Variants in NUP188 observed in about 807,000 individuals in gnomAD.
NUP188 encodes the protein nucleoporin NUP188.
A neutral mutation model predicts 223.0 loss-of-function variants in NUP188; 97 were observed. The observed-to-expected ratio is 0.43, with a 90% CI of 0.37 to 0.51. The LOEUF (loss-of-function observed/expected upper bound fraction) is 0.51. NUP188 is among the 20% of genes least tolerant of loss of function. The pLI is 0.00. For missense variants in NUP188, 1,947 were observed against 2,175.6 expected, an observed-to-expected ratio of 0.89 and a Z score of 2.09; for synonymous variants, 869 against 828.0, an observed-to-expected ratio of 1.05 and a Z score of -0.85.
chr9:128,998,585 G>C lies in NUP188; in HGVS notation c.3477G>C (p.Lys1159Asn). The C allele has an allele frequency of 6.2e-7, 1 of 1,614,200 alleles. No individual in the cohort carries two copies. Among genetic ancestry groups the C allele is most frequent in the Non-Finnish European group, 8.5e-7 (1 of 1,180,034 alleles). Residue 1159 changes from lysine (K) to asparagine (N), a missense_variant, in exon 32 of 44, where the codon AAG becomes AAC. Coordinates refer to ENST00000372577, the MANE Select transcript of NUP188 (RefSeq NM_015354.3). The part of the protein sequence containing the change: ...SVNCLRLGSM[K>N]CTLLLILLRQ... ...ACTGCCTTCGCCTTGGCTCCATGAA[G>C]TGCACTCTGCTGCTTATCCTCCTCC...
chr9:128,949,031 A>G (rs1841737047), intron 1 of NUP188, 158 bp from the exon 2 acceptor site: 2 of 567,382 alleles, frequency 3.5e-6, no homozygotes, highest in Middle Eastern at 3.4e-4. Flanking sequence ...GGCCCTAACA[A>G]TATTATTATA....
rs747254368 is a variant in NUP188 at position 129,006,257 on chromosome 9, C to A, written c.4962C>A (p.Thr1654=). The change falls in exon 43 of 44, where the codon ACC becomes ACA. Residue 1654 remains threonine (T), a synonymous_variant. Coordinates refer to ENST00000372577, the MANE Select transcript of NUP188 (RefSeq NM_015354.3). ...CTCCCAGGTCCCTCCTGATGTTTAC[C>A]ATGGAAAACTGCTTCTACCTGCTCA... The part of the protein sequence containing the change: ...TRTLKSLLMF[T]MENCFYLLIS... 7.4e-6 allele frequency: 12 copies of A among 1,614,060 alleles called. No individual in the cohort carries two copies. The highest frequency in any genetic ancestry group is 6.6e-5 in the South Asian group (6 of 91,070).
chr9:128,956,472 C>A, intron 4 of NUP188, 38 bp downstream of exon 4: 1 of 1,101,804 alleles, frequency 9.1e-7, no homozygotes, highest in Non-Finnish European at 1.3e-6. Context: ...TTATTACTTG[C>A]AGTGTGGATG....
intron 13 of NUP188, among the ~76,000 whole-genome samples, chr9:128,980,308 A>G (rs1239631960): frequency 6.6e-6 from 1 of 152,174 alleles, no homozygotes; most frequent in African/African-American, 2.4e-5. Flanking sequence ...TAGTTGGGTA[A>G]TTTGCACTTT....
chr9:128,993,446 G>C, intron 26 of NUP188, 43 bp downstream of exon 26: 1 of 1,611,500 alleles, frequency 6.2e-7, no homozygotes, highest in Non-Finnish European at 8.5e-7. Flanking sequence ...TGGCTCACTG[G>C]GAGGCAGATG....
chr9:128,991,365 C>T (rs1210323908), intron 25 of NUP188, among the ~76,000 whole-genome samples: 1 of 151,746 alleles, frequency 6.6e-6, no homozygotes, highest in African/African-American at 2.4e-5. Flanking sequence ...TGGTGAAACC[C>T]CACCTCTACT....
At chr9:128,956,713 T>C (rs528664238) in intron 4 of NUP188, among the ~76,000 whole-genome samples, 1 of 152,340 alleles carries the variant, frequency 6.6e-6, no homozygotes, top group South Asian at 2.1e-4. Context: ...GCTGTATTAA[T>C]GTGCTTAGTG....
intron 10 of NUP188, 136 bp downstream of exon 10, chr9:128,969,650 G>A (rs1012779417): frequency 8.0e-5 from 42 of 527,640 alleles, no homozygotes; most frequent in African/African-American, 7.0e-4. Flanking sequence ...CAATGTTTTC[G>A]TTTTGTTTTG....
Position 129,006,100 on chromosome 9 carries a change from G to C in NUP188, c.4920G>C (p.Gln1640His). The change falls in exon 42 of 44, where the codon CAG (glutamine) becomes CAC (histidine). Residue 1640 changes from glutamine to histidine, a missense_variant. This residue lies in a region of NUP188 where 905 missense variants were observed against 990.6 expected (regional missense o/e 0.91). Transcript: ENST00000372577. ...CCCAGGCAGTGGGGCTCAGCACACA[G>C]GCAGAAGGGACCAGGACGTTAAAGT... ...PLTQAVGLST[Q>H]AEGTRTLKSL... 6.2e-7 allele frequency: 1 copy of C among 1,614,192 alleles called. No individual in the cohort carries two copies. Among genetic ancestry groups the C allele is most frequent in the South Asian group, 1.1e-5 (1 of 91,088 alleles).
Position 129,001,657 on chromosome 9 carries a change from T to A in NUP188, c.3972T>A (p.Leu1324=). The change falls in exon 35 of 44, where the codon CTT becomes CTA. Residue 1324 remains leucine (L), a synonymous_variant. Coordinates refer to ENST00000372577, the MANE Select transcript of NUP188 (RefSeq NM_015354.3). ...TCCTCACCACTCTAGAGGTGAGCCT[T>A]CGCATGAAGCAGAACCTGCATTTCA... ...PTLLTTLEVS[L]RMKQNLHFTE... 1 of 1,613,964 alleles carries A rather than the reference T, an allele frequency of 6.2e-7. No homozygotes were observed. Among genetic ancestry groups the A allele is most frequent in the Non-Finnish European group, 8.5e-7 (1 of 1,179,976 alleles).
At chr9:128,986,211 G>A (rs1317767608) in intron 20 of NUP188, among the ~76,000 whole-genome samples, 1 of 152,068 alleles carries the variant, frequency 6.6e-6, no homozygotes, top group African/African-American at 2.4e-5. Context: ...ATTGAGGTTA[G>A]GGACGGCTGG....
intron 8 of NUP188, among the ~76,000 whole-genome samples, chr9:128,964,787 T>C (rs1304641687): frequency 1.3e-5 from 2 of 150,920 alleles, no homozygotes; most frequent in East Asian, 3.9e-4. Flanking sequence ...CTAAGTGTAA[T>C]CTCTGCCTCC....
chr9:128,953,682 C>G (rs1338872701), intron 3 of NUP188, among the ~76,000 whole-genome samples: 2 of 152,236 alleles, frequency 1.3e-5, no homozygotes, highest in Middle Eastern at 3.4e-3. Flanking sequence ...AAGATAATCT[C>G]TATATTATCA....
In NUP188 at chr9:128,947,758, A is replaced by C. The variant is rs774222284; in HGVS notation, c.32+7A>C. On this transcript the variant is annotated splice_region_variant and intron_variant, in intron 1 of 43. Transcript: ENST00000372577. ...CCGGCGGGCCGTGTGTGAGGTGCGG[A>C]GCGGGTCGAATGGACCGGGGTGGCT... is the stretch of plus-strand genomic sequence containing the variant. 6 of 1,456,566 alleles carry C rather than the reference A, an allele frequency of 4.1e-6. No homozygotes were observed. Among genetic ancestry groups the C allele is most frequent in the Non-Finnish European group, 5.4e-6 (6 of 1,105,812 alleles). The allele number at this position is 1,456,566 out of a possible 1,614,324, so 90.2% of individuals were successfully genotyped here. A position where few individuals can be genotyped will look rare whatever the true frequency, so the allele number is the denominator to read the frequency against.
Position 128,990,219 on chromosome 9 carries a change from T to C in NUP188, c.2633T>C (p.Leu878Pro), listed in dbSNP as rs1489136050. ...CTTGCCATTCAGCTGCTGAAACGTC[T>C]GGCCACGGTAGGATCGTACTTCATG... ...PRLAIQLLKR[L>P]ATVAPMSVYA... Residue 878 changes from leucine (L) to proline (P), a missense_variant, in exon 25 of 44, where the codon CTG (leucine) becomes CCG (proline). Around this residue, in one of 3 missense-constraint regions of NUP188, gnomAD observed 225 missense variants for 319.1 expected, o/e 0.71. Coordinates refer to ENST00000372577, the MANE Select transcript of NUP188 (RefSeq NM_015354.3). 6.2e-7 allele frequency: 1 copy of C among 1,612,812 alleles called. No homozygotes were observed.
At position 128,956,944 on chromosome 9, in the gene NUP188, T is replaced by C. The variant is rs762705244; in HGVS notation, c.247-8T>C. 15 of 1,598,184 alleles carry C rather than the reference T, an allele frequency of 9.4e-6. No individual in the cohort carries two copies. Among genetic ancestry groups the C allele is most frequent in the Non-Finnish European group, 1.2e-5 (14 of 1,171,244 alleles). Reference sequence around the variant, plus strand: ...AGCTGTTCCTTACTTAAAATCTCTGTGTTTCAGGGTCTTGATGAAGAACAG... The same window carrying C: ...AGCTGTTCCTTACTTAAAATCTCTGCGTTTCAGGGTCTTGATGAAGAACAG... On this transcript the variant is annotated splice_region_variant and splice_polypyrimidine_tract_variant and intron_variant, in intron 4 of 43. Transcript: ENST00000372577.
chr9:129,005,923 G>GAC, intron 41 of NUP188, 127 bp from the exon 42 acceptor site: 1 of 1,411,782 alleles, frequency 7.1e-7, no homozygotes, highest in South Asian at 1.2e-5. Context: ...GCACCTCTGA[G>GAC]AATTACTGTG....
Position 128,987,335 on chromosome 9 carries a change from A to C in NUP188, c.2265-254A>C, listed in dbSNP as rs1842352579. Among the ~76,000 whole-genome samples the C allele has an allele frequency of 2.6e-5, 4 of 152,006 alleles. No homozygotes were observed. The South Asian group carries it at 8.3e-4, about 31-fold the overall frequency. On this transcript the variant is annotated intron_variant, in intron 22 of 43. Transcript: ENST00000372577. ...TTATTTTAATGGTTCTATGCATTCCATCATATGGATTAATTATGATCCTTT... is the reference window on the plus strand; with the variant it reads ...TTATTTTAATGGTTCTATGCATTCCCTCATATGGATTAATTATGATCCTTT...
At chr9:128,983,412 A>G (rs771149120) in intron 18 of NUP188, 32 bp downstream of exon 18, 1 of 1,612,528 alleles carries the variant, frequency 6.2e-7, no homozygotes, top group South Asian at 1.1e-5. Flanking sequence ...AGAGCCAAAA[A>G]TGTAGCACTT....
Sources: gnomAD v4.1 joint callset for allele counts (sites outside exome capture counted in the v4.1 genomes callset) on GRCh38, gnomAD v4.1.1 for gene constraint, gnomAD v4.1.1 regional missense constraint, MANE v1.5 for transcripts, NCBI Gene and HGNC (gene_info 2026-07-23, HGNC 2026-07-21) for gene names.